The following VEGFC variants were observed in gnomAD, a reference collection of about 807,000 sequenced individuals.
VEGFC encodes the protein FLT4 ligand DHM.
Under a neutral mutation model 46.1 loss-of-function variants are expected in VEGFC, and 12 were observed. That is an observed-to-expected ratio of 0.26 (90% CI 0.17 to 0.42). The LOEUF (loss-of-function observed/expected upper bound fraction) is 0.42. Ranked by LOEUF, VEGFC falls within the 10% of genes least tolerant of loss-of-function variation. The pLI, the probability that VEGFC is intolerant of heterozygous loss-of-function variation, is 1.00. For synonymous variants in VEGFC, 232 were observed against 195.5 expected (o/e 1.19, Z -1.56); for missense variants, 488 against 529.4 (o/e 0.92, Z 0.77).
At chr4:176,756,224 T>A (rs1735430483) in intron 1 of VEGFC, among the ~76,000 whole-genome samples, 1 of 152,096 alleles carries the variant, frequency 6.6e-6, no homozygotes, top group African/African-American at 2.4e-5. Context: ...TTTAATAAAA[T>A]GTACTAAATG....
At chr4:176,771,988 A>G (rs1016428387) in intron 1 of VEGFC, among the ~76,000 whole-genome samples, 1 of 152,182 alleles carries the variant, frequency 6.6e-6, no homozygotes, top group Admixed American at 6.5e-5. Context: ...TGTTCTCAGA[A>G]AAGGCACAGC....
intron 4 of VEGFC, among the ~76,000 whole-genome samples, chr4:176,688,481 C>T (rs969525084): frequency 6.6e-6 from 1 of 152,068 alleles, no homozygotes; most frequent in African/African-American, 2.4e-5. Flanking sequence ...GCACAGATCC[C>T]CATCTTGTAA....
At chr4:176,767,133 A>AAAAAAAAAAAC (rs1735641274) in intron 1 of VEGFC, among the ~76,000 whole-genome samples, 1 of 148,872 alleles carries the variant, frequency 6.7e-6, no homozygotes, top group African/African-American at 2.4e-5. Context: ...TAAAAAAAAA[A>AAAAAAAAAAAC]AAAAAAAAAA....
At chr4:176,774,591 A>G (rs1735783051) in intron 1 of VEGFC, among the ~76,000 whole-genome samples, 1 of 152,210 alleles carries the variant, frequency 6.6e-6, no homozygotes, top group African/African-American at 2.4e-5. Context: ...TAAGTATCAA[A>G]GAATCAAGAA....
intron 4 of VEGFC, among the ~76,000 whole-genome samples, chr4:176,698,697 A>G (rs113359039): frequency 6.6e-6 from 1 of 151,850 alleles, no homozygotes; most frequent in Non-Finnish European, 1.5e-5. Context: ...AAGTTGTCAC[A>G]CTCTAACATT....
intron 1 of VEGFC, among the ~76,000 whole-genome samples, chr4:176,732,077 T>C (rs1044284339): frequency 4.6e-5 from 7 of 151,896 alleles, no homozygotes; most frequent in Admixed American, 6.6e-5. Context: ...AATTTTTGTA[T>C]GGCAGAAAAC....
At chr4:176,691,548 AT>A (rs1356939682) in intron 4 of VEGFC, among the ~76,000 whole-genome samples, 1 of 152,168 alleles carries the variant, frequency 6.6e-6, no homozygotes, top group African/African-American at 2.4e-5. Flanking sequence ...GAATTGTTTC[AT>A]TAATTATTTT....
chr4:176,737,653 G>A (rs1051391109), intron 1 of VEGFC, among the ~76,000 whole-genome samples: 1 of 151,384 alleles, frequency 6.6e-6, no homozygotes, highest in Non-Finnish European at 1.5e-5. Flanking sequence ...ACTATTGTAG[G>A]ATAACTGCTT....
chr4:176,777,177 C>T lies in VEGFC; in HGVS notation c.147+14988G>A, dbSNP rs1013285046. Among the ~76,000 whole-genome samples the T allele has an allele frequency of 4.2e-4, 64 of 151,984 alleles. 1 individual carries two copies. Among genetic ancestry groups the T allele is most frequent in the Non-Finnish European group, 1.9e-4 (13 of 67,998 alleles). On this transcript the variant is annotated intron_variant, in intron 1 of 6. Transcript: ENST00000618562. ...AAAAAAATACAAAAAATTAGCCGGG[C>T]GTGGTGGCGGGCGCCTGTAGTCCCA...
chr4:176,709,672 G>T (rs938942828), intron 4 of VEGFC, among the ~76,000 whole-genome samples: 1 of 152,160 alleles, frequency 6.6e-6, no homozygotes, highest in East Asian at 1.9e-4. Context: ...GGTGAATAAT[G>T]GAAGACAAAA....
At position 176,687,778 on chromosome 4, in the gene VEGFC, A is replaced by T. The variant is rs1206815210; in HGVS notation, c.811+43T>A. On this transcript the variant is annotated intron_variant, in intron 5 of 6. Transcript: ENST00000618562. Reference sequence around the variant, plus strand: ...AATATTAGAGTATGTTAATCACAATATAGACCCCTGGCGTTTAGTCTTTAA... The same window carrying T: ...AATATTAGAGTATGTTAATCACAATTTAGACCCCTGGCGTTTAGTCTTTAA... 2.2e-6 allele frequency: 3 copies of T among 1,388,492 alleles called. No individual in the cohort carries two copies. The South Asian group carries it at 3.7e-5, about 17-fold the overall frequency. 86.0% of individuals were successfully genotyped at this position (1,388,492 alleles called of 1,614,324 possible).
At chr4:176,705,488 GT>G (rs1734517778) in intron 4 of VEGFC, among the ~76,000 whole-genome samples, 1 of 152,122 alleles carries the variant, frequency 6.6e-6, no homozygotes. Flanking sequence ...TACTAGAAAT[GT>G]TAGAAGATAT....
chr4:176,726,151 T>C (rs1234018600), intron 3 of VEGFC, among the ~76,000 whole-genome samples: 1 of 152,182 alleles, frequency 6.6e-6, no homozygotes, highest in Non-Finnish European at 1.5e-5. Flanking sequence ...AGTATAATTA[T>C]ATGTTAGTCT....
intron 1 of VEGFC, among the ~76,000 whole-genome samples, chr4:176,788,494 T>C (rs1736039147): frequency 6.6e-6 from 1 of 152,202 alleles, no homozygotes. Flanking sequence ...ACCACATTTC[T>C]CTAAAACATA....
intron 1 of VEGFC, among the ~76,000 whole-genome samples, chr4:176,753,961 C>T (rs547644696): frequency 6.6e-6 from 1 of 152,092 alleles, no homozygotes; most frequent in Admixed American, 6.6e-5. Context: ...CGTCCTTTCG[C>T]CTAGGTTATT....
chr4:176,746,048 C>T (rs1735253744), intron 1 of VEGFC, among the ~76,000 whole-genome samples: 1 of 151,930 alleles, frequency 6.6e-6, no homozygotes, highest in Non-Finnish European at 1.5e-5. Flanking sequence ...AGAAAGATAC[C>T]AGGCCAGGGA....
chr4:176,715,357 G>A lies in VEGFC; in HGVS notation c.553-3707C>T, dbSNP rs182726043. Among the ~76,000 whole-genome samples, 539 of 152,202 alleles carry A rather than the reference G, an allele frequency of 3.5e-3. 2 individuals carry two copies. Among genetic ancestry groups the A allele is most frequent in the Non-Finnish European group, 5.5e-3 (371 of 67,992 alleles). ...ATACCAGTGTGAAAAAATTTTAAGA[G>A]TCCAGAGAAAGATACCTTTGATAAT... On this transcript the variant is annotated intron_variant, in intron 3 of 6. Transcript: ENST00000618562.
chr4:176,719,722 G>A (rs183125641), intron 3 of VEGFC, among the ~76,000 whole-genome samples: 66 of 152,192 alleles, frequency 4.3e-4, no homozygotes, highest in Admixed American at 2.8e-3. Flanking sequence ...AATATGAAGC[G>A]TCACATAATG....
chr4:176,699,075 C>T (rs1005957961), intron 4 of VEGFC, among the ~76,000 whole-genome samples: 5 of 152,116 alleles, frequency 3.3e-5, no homozygotes, highest in African/African-American at 7.2e-5. Flanking sequence ...TCTATAGATA[C>T]GAACTGTGTT....
Sources: gnomAD v4.1 joint callset for allele counts (sites outside exome capture counted in the v4.1 genomes callset) on GRCh38, gnomAD v4.1.1 for gene constraint, MANE v1.5 for transcripts, NCBI Gene and HGNC (gene_info 2026-07-23, HGNC 2026-07-21) for gene names.